CADPS2: variants seen among roughly 807,000 people sequenced by gnomAD.
CADPS2 encodes calcium-dependent secretion activator 2.
In CADPS2, 93 loss-of-function variants were observed where a neutral mutation model predicts 172.5. That is an observed-to-expected ratio of 0.54 (90% CI 0.46 to 0.64). The LOEUF (loss-of-function observed/expected upper bound fraction) is 0.64. Ranked by LOEUF, CADPS2 falls within the 30% of genes least tolerant of loss-of-function variation. The probability of loss-of-function intolerance (pLI) is 0.00; values close to 1 mark genes in which losing one functional copy is unlikely to be tolerated. For synonymous variants in CADPS2, 546 were observed against 555.2 expected, an observed-to-expected ratio of 0.98 and a Z score of 0.23; for missense variants, 1,420 against 1,565.9, an observed-to-expected ratio of 0.91 and a Z score of 1.57.
intron 14 of CADPS2, among the ~76,000 whole-genome samples, chr7:122,460,599 A>G (rs568907357): frequency 9.8e-5 from 15 of 152,290 alleles, no homozygotes; most frequent in African/African-American, 3.6e-4. Context: ...AATGTTTATT[A>G]CAAAAAAATG....
chr7:122,557,036 T>C (rs1384120386), intron 7 of CADPS2, among the ~76,000 whole-genome samples: 1 of 152,104 alleles, frequency 6.6e-6, no homozygotes, highest in Non-Finnish European at 1.5e-5. Context: ...CGTGGGAATG[T>C]TTGTTTTTCT....
chr7:122,440,660 T>C (rs1276173757), intron 16 of CADPS2, among the ~76,000 whole-genome samples: 4 of 152,158 alleles, frequency 2.6e-5, no homozygotes, highest in Non-Finnish European at 5.9e-5. Flanking sequence ...TGCTTTTTAA[T>C]AGAGATGCTA....
chr7:122,527,617 A>AGAGAGAGAGAGAGCGTGTGT, intron 8 of CADPS2, among the ~76,000 whole-genome samples: 1 of 83,806 alleles, frequency 1.2e-5, no homozygotes. Context: ...AGAGAGAGAG[A>AGAGAGAGAGAGAGCGTGTGT]GTGTGTGTGT....
rs896047857 is a variant in CADPS2, at chr7:122,367,441, T to C, written c.3388-6428A>G. 3.3e-5 allele frequency among the ~76,000 whole-genome samples: 5 copies of C among 151,632 alleles called. 1 individual carries two copies. Among genetic ancestry groups the C allele is most frequent in the African/African-American group, 9.7e-5 (4 of 41,276 alleles). On this transcript the variant is annotated intron_variant, in intron 25 of 29. Transcript: ENST00000449022. ...ATTACAGAAATGATCTTTTAATTCATACCCAGAAGTGATGGAGGCCCTGTT... is the reference window on the plus strand; with the variant it reads ...ATTACAGAAATGATCTTTTAATTCACACCCAGAAGTGATGGAGGCCCTGTT...
intron 1 of CADPS2, among the ~76,000 whole-genome samples, chr7:122,842,033 G>A (rs1471926371): frequency 1.3e-5 from 2 of 152,164 alleles, no homozygotes; most frequent in African/African-American, 4.8e-5. Context: ...CAGCTGAGTT[G>A]TTACCTCCTA....
intron 1 of CADPS2, among the ~76,000 whole-genome samples, chr7:122,839,343 C>A (rs1809634660): frequency 6.6e-6 from 1 of 152,092 alleles, no homozygotes; most frequent in Non-Finnish European, 1.5e-5. Flanking sequence ...AAAACCTAGG[C>A]AATACCATTC....
chr7:122,391,404 C>T (rs927800423), intron 22 of CADPS2, among the ~76,000 whole-genome samples: 4 of 151,812 alleles, frequency 2.6e-5, no homozygotes, highest in Admixed American at 1.3e-4. Flanking sequence ...AGATTACTAA[C>T]AAAAAAATAA....
chr7:122,452,412 T>G (rs1477393696), intron 14 of CADPS2, among the ~76,000 whole-genome samples: 6 of 152,256 alleles, frequency 3.9e-5, no homozygotes, highest in Non-Finnish European at 7.3e-5. Context: ...TCATTTAGTT[T>G]CTGAGACAGT....
intron 20 of CADPS2, among the ~76,000 whole-genome samples, chr7:122,405,254 T>G (rs2046504049): frequency 6.6e-6 from 1 of 152,224 alleles, no homozygotes; most frequent in African/African-American, 2.4e-5. Flanking sequence ...TAAGATAATA[T>G]TAAAAACCTG....
intron 1 of CADPS2, among the ~76,000 whole-genome samples, chr7:122,759,152 T>C (rs1018446591): frequency 6.6e-6 from 1 of 152,176 alleles, no homozygotes; most frequent in African/African-American, 2.4e-5. Flanking sequence ...TCCATAGTTT[T>C]AGCAGCCATT....
intron 1 of CADPS2, among the ~76,000 whole-genome samples, chr7:122,839,536 A>G (rs1289508138): frequency 6.6e-6 from 1 of 152,230 alleles, no homozygotes. Flanking sequence ...CTCATCTGAC[A>G]AAGGGCTAAT....
At chr7:122,397,926 A>C (rs139146798) in intron 20 of CADPS2, among the ~76,000 whole-genome samples, 157 of 152,278 alleles carry the variant, frequency 1.0e-3, no homozygotes, top group African/African-American at 3.7e-3. Context: ...GAAAGCCAGC[A>C]CCTATTTTTC....
At chr7:122,679,096 T>C (rs1454511942) in intron 2 of CADPS2, among the ~76,000 whole-genome samples, 1 of 151,856 alleles carries the variant, frequency 6.6e-6, no homozygotes, top group East Asian at 1.9e-4. Context: ...AGGGTAACAG[T>C]GATTTTCAGG....
chr7:122,720,007 T>C (rs1404800387), intron 2 of CADPS2, among the ~76,000 whole-genome samples: 1 of 152,090 alleles, frequency 6.6e-6, no homozygotes, highest in Non-Finnish European at 1.5e-5. Flanking sequence ...ATTATTAAAA[T>C]AGTATTTCCT....
At chr7:122,361,129 T>G in intron 25 of CADPS2, 116 bp from the exon 26 acceptor site, 1 of 787,076 alleles carries the variant, frequency 1.3e-6, no homozygotes, top group East Asian at 2.7e-5. Flanking sequence ...ATGAATGAAC[T>G]GACAGCTGAG....
In CADPS2 at chr7:122,399,652, G is replaced by T. The variant is rs1173212433; in HGVS notation, c.2747-6070C>A. On this transcript the variant is annotated intron_variant, in intron 20 of 29. Coordinates refer to ENST00000449022, the MANE Select transcript of CADPS2 (RefSeq NM_017954.11). ...ATCATGATCGATAACTCTCTCAAGG[G>T]TGGGTTTCTTTTTTTTTTTTTTTTT... Among the ~76,000 whole-genome samples the T allele has an allele frequency of 8.1e-5, 10 of 123,144 alleles. No individual in the cohort carries two copies. In the Admixed American group the frequency reaches 8.4e-4, roughly 10 times the overall value. The allele number at this position is 123,144 out of a possible 152,430, so 80.8% of individuals were successfully genotyped here. A position where few individuals can be genotyped will look rare whatever the true frequency, so the allele number is the denominator to read the frequency against.
intron 2 of CADPS2, among the ~76,000 whole-genome samples, chr7:122,682,587 A>G (rs2083170259): frequency 6.6e-6 from 1 of 152,190 alleles, no homozygotes; most frequent in Admixed American, 6.5e-5. Flanking sequence ...TATGTTTACT[A>G]TCTGAAAAAA....
At chr7:122,876,009 C>T (rs1314824860) in intron 1 of CADPS2, among the ~76,000 whole-genome samples, 1 of 151,922 alleles carries the variant, frequency 6.6e-6, no homozygotes, top group Non-Finnish European at 1.5e-5. Flanking sequence ...ATAAAGTTAA[C>T]AGATATAACT....
chr7:122,884,085 T>C (rs377443514), intron 1 of CADPS2, among the ~76,000 whole-genome samples: 8 of 152,160 alleles, frequency 5.3e-5, no homozygotes, highest in Non-Finnish European at 1.2e-4. Context: ...AATCAACTCA[T>C]AGTAAATTTG....
Sources: allele counts gnomAD v4.1 joint callset (sites outside exome capture counted in the v4.1 genomes callset), GRCh38; gene constraint gnomAD v4.1.1; transcripts MANE v1.5; gene names NCBI Gene and HGNC (gene_info 2026-07-23, HGNC 2026-07-21).